JMJD1C: variants seen among roughly 807,000 people sequenced by gnomAD.
JMJD1C encodes the protein jumonji domain containing 1C, also known as jumonji domain-containing protein 1C.
A neutral mutation model predicts 245.3 loss-of-function variants in JMJD1C; 31 were observed. The observed-to-expected ratio is 0.13, with a 90% CI of 0.09 to 0.17. The LOEUF is 0.17. Ranked by LOEUF, JMJD1C falls within the 10% of genes least tolerant of loss-of-function variation. The probability of loss-of-function intolerance (pLI) is 1.00; values close to 1 mark genes in which losing one functional copy is unlikely to be tolerated. For missense variants in JMJD1C, 2,691 were observed against 3,000.2 expected (o/e 0.90, Z 2.41); for synonymous variants, 1,057 against 1,017.4 (o/e 1.04, Z -0.74).
chr10:63,420,984 C>T (rs1468066833), intron 1 of JMJD1C, among the ~76,000 whole-genome samples: 1 of 151,786 alleles, frequency 6.6e-6, no homozygotes, highest in African/African-American at 2.4e-5. Context: ...TAAAAAAATC[C>T]CAACAAGACA....
chr10:63,229,682 C>G (rs1197510674), intron 3 of JMJD1C, among the ~76,000 whole-genome samples: 3 of 151,992 alleles, frequency 2.0e-5, no homozygotes, highest in Non-Finnish European at 4.4e-5. Flanking sequence ...TTCAGAAAAT[C>G]AGAATGATGT....
intron 2 of JMJD1C, among the ~76,000 whole-genome samples, chr10:63,340,529 ATTTATG>A (rs1231183386): frequency 1.3e-5 from 2 of 152,222 alleles, no homozygotes; most frequent in African/African-American, 4.8e-5. Context: ...GAGAGAAGGC[ATTTATG>A]TTTATATCAC....
At chr10:63,439,574 G>A (rs1461507784) in intron 1 of JMJD1C, among the ~76,000 whole-genome samples, 1 of 152,102 alleles carries the variant, frequency 6.6e-6, no homozygotes, top group African/African-American at 2.4e-5. Flanking sequence ...TTAAGTTGAG[G>A]AGGATATTTC....
chr10:63,361,740 A>AG (rs1945360025), intron 2 of JMJD1C, among the ~76,000 whole-genome samples: 1 of 149,616 alleles, frequency 6.7e-6, no homozygotes, highest in African/African-American at 2.5e-5. Context: ...AAAAAAAAAA[A>AG]AAAAAAAGAA....
At chr10:63,353,447 T>C (rs532888873) in intron 2 of JMJD1C, among the ~76,000 whole-genome samples, 1 of 152,296 alleles carries the variant, frequency 6.6e-6, no homozygotes, top group South Asian at 2.1e-4. Flanking sequence ...GGTGAAACGG[T>C]AGATTTTTAT....
chr10:63,329,529 A>G (rs1941911234), intron 2 of JMJD1C, among the ~76,000 whole-genome samples: 1 of 151,618 alleles, frequency 6.6e-6, no homozygotes. Context: ...CGGGGCCAAC[A>G]CAAAAACACT....
Position 63,371,747 on chromosome 10 carries a change from T to C in JMJD1C, c.333+8571A>G, listed in dbSNP as rs189718478. On this transcript the variant is annotated intron_variant, in intron 2 of 25. Coordinates refer to ENST00000399262, the MANE Select transcript of JMJD1C (RefSeq NM_032776.3). The stretch of plus-strand genomic sequence containing the variant: ...AGATATGAGTGTGTGAACTCGTTCA[T>C]TGCAATACATGCCAGTATTAGAGTT... Among the ~76,000 whole-genome samples the C allele has an allele frequency of 2.2e-3, 331 of 152,336 alleles. 3 individuals carry two copies. In the South Asian group the frequency reaches 0.029, roughly 13 times the overall value.
chr10:63,478,235 A>C (rs1002951844), intron 1 of JMJD1C, among the ~76,000 whole-genome samples: 1 of 152,240 alleles, frequency 6.6e-6, no homozygotes, highest in South Asian at 2.1e-4. Flanking sequence ...TAATAAAGTT[A>C]AACATATACT....
chr10:63,333,062 AAC>A (rs1015839492), intron 2 of JMJD1C, among the ~76,000 whole-genome samples: 10 of 152,002 alleles, frequency 6.6e-5, no homozygotes, highest in Non-Finnish European at 4.4e-5. Context: ...CTAAAAGAAA[AAC>A]ACAGTTTTTA....
intron 2 of JMJD1C, chr10:63,268,555 G>A: frequency 4.4e-6 from 1 of 226,434 alleles, no homozygotes; most frequent in Non-Finnish European, 7.3e-6. Context: ...AAAACATTGA[G>A]GCCAGATCTT....
At chr10:63,435,636 A>G (rs1414397665) in intron 1 of JMJD1C, among the ~76,000 whole-genome samples, 2 of 152,168 alleles carry the variant, frequency 1.3e-5, no homozygotes, top group African/African-American at 4.8e-5. Flanking sequence ...GCAGTGGCTT[A>G]CATCTGTAAT....
At chr10:63,218,260 T>C (rs1264858008) in intron 4 of JMJD1C, among the ~76,000 whole-genome samples, 1 of 152,088 alleles carries the variant, frequency 6.6e-6, no homozygotes, top group Non-Finnish European at 1.5e-5. Context: ...TTTTCTGATA[T>C]TCCTTCTTCT....
At chr10:63,198,247 T>C (rs1845664893) in intron 12 of JMJD1C, among the ~76,000 whole-genome samples, 1 of 152,210 alleles carries the variant, frequency 6.6e-6, no homozygotes, top group Non-Finnish European at 1.5e-5. Flanking sequence ...AATTTCACAA[T>C]TTCTAAAGTG....
chr10:63,211,817 CTG>C, intron 8 of JMJD1C, among the ~76,000 whole-genome samples: 1 of 106,014 alleles, frequency 9.4e-6, no homozygotes, highest in Non-Finnish European at 1.8e-5. Flanking sequence ...GAGCAAGACT[CTG>C]TCTCAAAAAA....
At chr10:63,459,072 C>T (rs75888251) in intron 1 of JMJD1C, among the ~76,000 whole-genome samples, 7,293 of 152,192 alleles carry the variant, frequency 0.048, 232 homozygotes, top group Middle Eastern at 0.085. Flanking sequence ...CAAGTCCTTA[C>T]GTTATGGTAG....
chr10:63,326,956 A>G (rs1339383358), intron 2 of JMJD1C, among the ~76,000 whole-genome samples: 1 of 152,122 alleles, frequency 6.6e-6, no homozygotes, highest in Non-Finnish European at 1.5e-5. Context: ...GGAGACCGAG[A>G]CAGGAAGATT....
chr10:63,423,426 C>CTTA (rs1190523696), intron 1 of JMJD1C, among the ~76,000 whole-genome samples: 1 of 152,198 alleles, frequency 6.6e-6, no homozygotes, highest in Non-Finnish European at 1.5e-5. Flanking sequence ...TTGTGTCTGG[C>CTTA]TTACTTCACA....
At chr10:63,514,643 G>A (rs1235113001) in intron 1 of JMJD1C, among the ~76,000 whole-genome samples, 2 of 151,924 alleles carry the variant, frequency 1.3e-5, no homozygotes, top group Non-Finnish European at 2.9e-5. Context: ...GGAGGGAGGG[G>A]GTGGAAGGGA....
At chr10:63,409,558 A>C (rs1463041640) in intron 1 of JMJD1C, among the ~76,000 whole-genome samples, 1 of 152,182 alleles carries the variant, frequency 6.6e-6, no homozygotes. Context: ...AACAGAGTAA[A>C]GGAAAAATCA....
Sources: allele counts gnomAD v4.1 joint callset (sites outside exome capture counted in the v4.1 genomes callset), GRCh38; gene constraint gnomAD v4.1.1; transcripts MANE v1.5; gene names NCBI Gene and HGNC (gene_info 2026-07-23, HGNC 2026-07-21).